Variants in HOXB1 observed in about 807,000 individuals in gnomAD.
HOXB1 encodes the protein homeobox B1.
Under a neutral mutation model 26.9 loss-of-function variants are expected in HOXB1, and 13 were observed. That is an observed-to-expected ratio of 0.48 (90% CI 0.31 to 0.77). The LOEUF is 0.77. Ranked by LOEUF, HOXB1 falls within the 30% of genes least tolerant of loss-of-function variation. The pLI is 0.04. For missense variants in HOXB1, 366 were observed against 403.6 expected (o/e 0.91, Z 0.80); for synonymous variants, 168 against 170.8 (o/e 0.98, Z 0.13).
chr17:48,530,510 G>T lies in HOXB1; in HGVS notation c.395C>A (p.Ala132Asp). ...CTGCGGAGGATATGGCCCCGGACCG[G>T]CTCCACCTGCTCCGTAGCCATCGGA... ...GLSDGYGAGG[A>D]GPGPYPPQHP... Residue 132 changes from alanine (A) to aspartate (D), a missense_variant, in exon 1 of 2, where the codon GCC becomes GAC. Transcript: ENST00000239174. The surrounding 1 kb of genome is among the most constrained non-coding windows in gnomAD (Gnocchi z 6.2). 6.2e-7 allele frequency: 1 copy of T among 1,614,086 alleles called. No individual in the cohort carries two copies. The highest frequency in any genetic ancestry group is 8.5e-7 in the Non-Finnish European group (1 of 1,179,966).
chr17:48,529,978 G>A, intron 1 of HOXB1, 103 bp from the exon 2 acceptor site: 2 of 1,035,646 alleles, frequency 1.9e-6, no homozygotes, highest in Non-Finnish European at 2.8e-6. Context: ...TTGCCATTCT[G>A]CCCAAGTACA....
At position 48,530,067 on chromosome 17, in the gene HOXB1, C is replaced by A. The variant is rs1336507697; in HGVS notation, c.578-192G>T. 4 of 617,954 alleles carry A rather than the reference C, an allele frequency of 6.5e-6. No individual in the cohort carries two copies. The highest frequency in any genetic ancestry group is 5.7e-6 in the Non-Finnish European group (2 of 353,082). 38.3% of individuals were successfully genotyped at this position (617,954 alleles called of 1,614,324 possible). On this transcript the variant is annotated intron_variant, in intron 1 of 1. Coordinates refer to ENST00000239174, the MANE Select transcript of HOXB1 (RefSeq NM_002144.4). The surrounding 1 kb of genome is among the most constrained non-coding windows in gnomAD (Gnocchi z 6.2). Reference sequence around the variant, plus strand: ...GGAGCAGCCTTCCCCATACTTCCATCCCCCATGCACACCAGGTCCTGGGTC... The same window carrying A: ...GGAGCAGCCTTCCCCATACTTCCATACCCCATGCACACCAGGTCCTGGGTC...
Position 48,530,410 on chromosome 17 carries a change from T to C in HOXB1, c.495A>G (p.Glu165=), listed in dbSNP as rs142333527. The C allele has an allele frequency of 2.5e-6, 4 of 1,613,928 alleles. No homozygotes were observed. The African/African-American group carries it at 5.3e-5, about 22-fold the overall frequency. The change falls in exon 1 of 2, where the codon GAA becomes GAG. Residue 165 remains glutamate (E), a synonymous_variant. Transcript: ENST00000239174. The surrounding 1 kb of genome is among the most constrained non-coding windows in gnomAD (Gnocchi z 6.2). Reference sequence around the variant, plus strand: ...TGTTAGGTTCTGAAGGGCAGGGTGTTTCCTTGTCCTCGGAGAGGAGATCAG... The same window carrying C: ...TGTTAGGTTCTGAAGGGCAGGGTGTCTCCTTGTCCTCGGAGAGGAGATCAG... ...AYADLLSEDK[E]TPCPSEPNTP... is the part of the protein sequence containing the mutation.
At position 48,529,554 on chromosome 17, in the gene HOXB1, G is replaced by T. The variant is rs200443029; in HGVS notation, c.899C>A (p.Thr300Asn). 181 of 1,527,854 alleles carry T rather than the reference G, an allele frequency of 1.2e-4. No homozygotes were observed. The highest frequency in any genetic ancestry group is 1.8e-4 in the Middle Eastern group (1 of 5,648). 94.6% of individuals were successfully genotyped at this position (1,527,854 alleles called of 1,614,324 possible). Reference sequence around the variant, plus strand: ...TTGGTGGCTAGGTTCAGTTCAGGAGGTGACAGAGCTGGGTGAGGCTTCCGG... The same window carrying T: ...TTGGTGGCTAGGTTCAGTTCAGGAGTTGACAGAGCTGGGTGAGGCTTCCGG... ...TSPEASPSSV[T>N]S The change falls in exon 2 of 2, where the codon ACC becomes AAC. Residue 300 changes from threonine to asparagine, a missense_variant. Transcript: ENST00000239174.
At position 48,529,853 on chromosome 17, in the gene HOXB1, C is replaced by G. The variant is rs748043859; in HGVS notation, c.600G>C (p.Leu200=). 6.3e-7 allele frequency: 1 copy of G among 1,588,794 alleles called. No individual in the cohort carries two copies. The highest frequency in any genetic ancestry group is 1.7e-5 in the Admixed American group (1 of 59,646). The stretch of plus-strand genomic sequence containing the variant: ...TGGTGCGGAGGCCACTGGGCGAGCC[C>G]AGGCCTGGCTCTGACACCTTCGCTA... ...PKTAKVSEPG[L]GSPSGLRTNF... Residue 200 remains leucine (L), a synonymous_variant, in exon 2 of 2, where the codon CTG becomes CTC. Transcript: ENST00000239174.
intron 1 of HOXB1, 69 bp from the exon 2 acceptor site, chr17:48,529,944 C>T (rs1351870023): frequency 1.5e-6 from 2 of 1,365,776 alleles, no homozygotes; most frequent in African/African-American, 1.4e-5. Context: ...TTCCCTCCTC[C>T]CGGGGCTGGC....
At position 48,529,775 on chromosome 17, in the gene HOXB1, C is replaced by A; in HGVS notation, c.678G>T (p.Lys226Asn). 1 of 1,607,646 alleles carries A rather than the reference C, an allele frequency of 6.2e-7. No homozygotes were observed. Among genetic ancestry groups the A allele is most frequent in the Non-Finnish European group, 8.5e-7 (1 of 1,179,904 alleles). The change falls in exon 2 of 2, where the codon AAG becomes AAT. Residue 226 changes from lysine (K) to asparagine (N), a missense_variant. Coordinates refer to ENST00000239174, the MANE Select transcript of HOXB1 (RefSeq NM_002144.4). ...TELEKEFHFN[K>N]YLSRARRVEI... ...CCACCCTCCGGGCCCGGCTCAGGTA[C>A]TTGTTGAAATGGAACTCCTTTTCCA... is the stretch of plus-strand genomic sequence containing the variant.
chr17:48,529,232 TGA>T lies in HOXB1; in HGVS notation c.*313_*314del. On this transcript the variant is annotated 3_prime_UTR_variant, in exon 2 of 2. Transcript: ENST00000239174. Reference sequence around the variant, plus strand: ...GGAAAGGAGGATGAATCCAGGAGGATGAGGCTGGCCCCCACCCCCACCACATG... The same window carrying T: ...GGAAAGGAGGATGAATCCAGGAGGATGGCTGGCCCCCACCCCCACCACATG... 3.8e-6 allele frequency: 1 copy of T among 260,654 alleles called. No homozygotes were observed. The highest frequency in any genetic ancestry group is 7.3e-6 in the Non-Finnish European group (1 of 137,556). The allele number at this position is 260,654 out of a possible 1,614,324, so 16.1% of individuals were successfully genotyped here.
Position 48,530,076 on chromosome 17 carries a change from A to G in HOXB1, c.578-201T>C. 1.6e-6 allele frequency: 1 copy of G among 616,196 alleles called. No individual in the cohort carries two copies. Among genetic ancestry groups the G allele is most frequent in the East Asian group, 2.7e-5 (1 of 36,384 alleles). The allele number at this position is 616,196 out of a possible 1,614,324, so 38.2% of individuals were successfully genotyped here. On this transcript the variant is annotated intron_variant, in intron 1 of 1. Transcript: ENST00000239174. The surrounding 1 kb of genome is among the most constrained non-coding windows in gnomAD (Gnocchi z 6.2). ...TTCCCCATACTTCCATCCCCCATGC[A>G]CACCAGGTCCTGGGTCTGTGCTGGG...
In HOXB1 at chr17:48,528,537, A is replaced by G. The variant is rs2068411142; in HGVS notation, c.*1010T>C. ...GAAGCAGGCAGGAAGAAGGGAAAAC[A>G]CAGACTTTATTGAAATGAGGTAGTT... On this transcript the variant is annotated 3_prime_UTR_variant, in exon 2 of 2. Transcript: ENST00000239174. The G allele has an allele frequency of 6.6e-6, 1 of 152,358 alleles. No individual in the cohort carries two copies. Among genetic ancestry groups the G allele is most frequent in the African/African-American group, 2.4e-5 (1 of 41,454 alleles). 9.4% of individuals were successfully genotyped at this position (152,358 alleles called of 1,614,324 possible).
At position 48,530,435 on chromosome 17, in the gene HOXB1, G is replaced by A. The variant is rs930945042; in HGVS notation, c.470C>T (p.Ala157Val). ...EQTASFAPAY[A>V]DLLSEDKETP... Reference sequence around the variant, plus strand: ...TTCCTTGTCCTCGGAGAGGAGATCAGCATAGGCCGGTGCAAAGCTCGCGGT... The same window carrying A: ...TTCCTTGTCCTCGGAGAGGAGATCAACATAGGCCGGTGCAAAGCTCGCGGT... The change falls in exon 1 of 2, where the codon GCT (alanine) becomes GTT (valine). Residue 157 changes from alanine to valine, a missense_variant. Ala to Val is a moderately conservative substitution (Grantham distance 64). Transcript: ENST00000239174. This position sits in a 1 kb window ranked among gnomAD's most constrained non-coding sequence, Gnocchi z 6.2. 2.5e-6 allele frequency: 4 copies of A among 1,614,174 alleles called. No individual in the cohort carries two copies. The highest frequency in any genetic ancestry group is 3.3e-5 in the Admixed American group (2 of 60,024).
chr17:48,530,153 G>A lies in HOXB1; in HGVS notation c.577+175C>T, dbSNP rs752850877. Reference sequence around the variant, plus strand: ...ATGGAAACTTACTCCTGGGGTGACCGGTTACATACTGGGTGGGGAGACCTC... The same window carrying A: ...ATGGAAACTTACTCCTGGGGTGACCAGTTACATACTGGGTGGGGAGACCTC... On this transcript the variant is annotated intron_variant, in intron 1 of 1. Transcript: ENST00000239174. This position sits in a 1 kb window ranked among gnomAD's most constrained non-coding sequence, Gnocchi z 6.2. 1.2e-5 allele frequency: 8 copies of A among 651,578 alleles called. No individual in the cohort carries two copies. The highest frequency in any genetic ancestry group is 2.8e-5 in the Admixed American group (1 of 35,632). The allele number at this position is 651,578 out of a possible 1,614,324, so 40.4% of individuals were successfully genotyped here. A position where few individuals can be genotyped will look rare whatever the true frequency, so the allele number is the denominator to read the frequency against.
rs534792734 is a variant in HOXB1, at chr17:48,530,822, G to GGGGCGCTGTGGGCGCTGT, written c.65_82dup (p.Ala27_Pro28insHisSerAlaHisSerAla). 3.7e-5 allele frequency: 58 copies of GGGGCGCTGTGGGCGCTGT among 1,580,782 alleles called. 1 individual carries two copies. The highest frequency in any genetic ancestry group is 2.0e-4 in the South Asian group (17 of 84,898). On this transcript the variant is annotated inframe_insertion, in exon 1 of 2. Transcript: ENST00000239174. The surrounding 1 kb of genome is among the most constrained non-coding windows in gnomAD (Gnocchi z 6.2). ...AGCCGAGCTTGGGGGAAAGGAGGTT[G>GGGGCGCTGTGGGCGCTGT]GGGCGCTGTGGGCGCTGTAGGCGCT...
chr17:48,530,948 C>T lies in HOXB1; in HGVS notation c.-44G>A. The T allele has an allele frequency of 1.5e-6, 2 of 1,368,192 alleles. No individual in the cohort carries two copies. Among genetic ancestry groups the T allele is most frequent in the South Asian group, 1.4e-5 (1 of 71,134 alleles). The allele number at this position is 1,368,192 out of a possible 1,614,324, so 84.8% of individuals were successfully genotyped here. A position where few individuals can be genotyped will look rare whatever the true frequency, so the allele number is the denominator to read the frequency against. ...GGTCGGCCCGTTTGGGGGAGACACC[C>T]TCTTGCCCTACAACCTTTCGGCAGT... On this transcript the variant is annotated 5_prime_UTR_variant, in exon 1 of 2. Coordinates refer to ENST00000239174, the MANE Select transcript of HOXB1 (RefSeq NM_002144.4). The surrounding 1 kb of genome is among the most constrained non-coding windows in gnomAD (Gnocchi z 6.2).
At position 48,530,416 on chromosome 17, in the gene HOXB1, G is replaced by A. The variant is rs776888615; in HGVS notation, c.489C>T (p.Asp163=). 2 of 1,614,156 alleles carry A rather than the reference G, an allele frequency of 1.2e-6. No homozygotes were observed. Among genetic ancestry groups the A allele is most frequent in the South Asian group, 2.2e-5 (2 of 91,084 alleles). ...APAYADLLSE[D]KETPCPSEPN... is the part of the protein sequence containing the mutation. ...GTTCTGAAGGGCAGGGTGTTTCCTT[G>A]TCCTCGGAGAGGAGATCAGCATAGG... The change falls in exon 1 of 2, where the codon GAC becomes GAT. Residue 163 remains aspartate, a synonymous_variant. Transcript: ENST00000239174. The surrounding 1 kb of genome is among the most constrained non-coding windows in gnomAD (Gnocchi z 6.2).
At position 48,530,532 on chromosome 17, in the gene HOXB1, C is replaced by A. The variant is rs1028968103; in HGVS notation, c.373G>T (p.Asp125Tyr). The change falls in exon 1 of 2, where the codon GAT (aspartate) becomes TAT (tyrosine). Residue 125 changes from aspartate (D) to tyrosine (Y), a missense_variant. Asp to Tyr is a radical substitution (Grantham distance 160). Coordinates refer to ENST00000239174, the MANE Select transcript of HOXB1 (RefSeq NM_002144.4). The surrounding 1 kb of genome is among the most constrained non-coding windows in gnomAD (Gnocchi z 6.2). ...SYGAQLGGLS[D>Y]GYGAGGAGPG... ...CCGGCTCCACCTGCTCCGTAGCCAT[C>A]GGACAAGCCCCCTAGCTGGGCCCCG... is the stretch of plus-strand genomic sequence containing the variant. 1.2e-6 allele frequency: 2 copies of A among 1,613,952 alleles called. No individual in the cohort carries two copies. The highest frequency in any genetic ancestry group is 2.7e-5 in the African/African-American group (2 of 74,914).
In HOXB1 at chr17:48,530,611, G is replaced by A. The variant is rs777239971; in HGVS notation, c.294C>T (p.Tyr98=). 6.2e-7 allele frequency: 1 copy of A among 1,614,012 alleles called. No homozygotes were observed. The highest frequency in any genetic ancestry group is 8.5e-7 in the Non-Finnish European group (1 of 1,180,016). Residue 98 remains tyrosine (Y), a synonymous_variant, in exon 1 of 2, where the codon TAC becomes TAT. Coordinates refer to ENST00000239174, the MANE Select transcript of HOXB1 (RefSeq NM_002144.4). This position sits in a 1 kb window ranked among gnomAD's most constrained non-coding sequence, Gnocchi z 6.2. The part of the protein sequence containing the change: ...ACSPSYGPSQ[Y]YPLGQSEGDG... ...CTCCTTCTGATTGACCCAGAGGGTAGTACTGAGAAGGCCCGTAGCTGGGGC... is the reference window on the plus strand; with the variant it reads ...CTCCTTCTGATTGACCCAGAGGGTAATACTGAGAAGGCCCGTAGCTGGGGC...
At position 48,529,603 on chromosome 17, in the gene HOXB1, A is replaced by G. The variant is rs778173379; in HGVS notation, c.850T>C (p.Ser284Pro). ...GCPKEAAGDA[S>P]DQSTCTSPEA... ...GGGGAGGTGCATGTCGACTGGTCTGAGGCATCTCCAGCTGCCTCCTTGGGG... is the reference window on the plus strand; with the variant it reads ...GGGGAGGTGCATGTCGACTGGTCTGGGGCATCTCCAGCTGCCTCCTTGGGG... The change falls in exon 2 of 2, where the codon TCA becomes CCA. Residue 284 changes from serine to proline, a missense_variant. Transcript: ENST00000239174. 5 of 1,580,290 alleles carry G rather than the reference A, an allele frequency of 3.2e-6. No homozygotes were observed. The highest frequency in any genetic ancestry group is 3.4e-6 in the Non-Finnish European group (4 of 1,160,254).
In HOXB1 at chr17:48,530,263, G is replaced by T; in HGVS notation, c.577+65C>A. On this transcript the variant is annotated intron_variant, in intron 1 of 1. Coordinates refer to ENST00000239174, the MANE Select transcript of HOXB1 (RefSeq NM_002144.4). The surrounding 1 kb of genome is among the most constrained non-coding windows in gnomAD (Gnocchi z 6.2). The stretch of plus-strand genomic sequence containing the variant: ...AGAACCCAGCCCAGACCCAGGACAT[G>T]TCACTGCAGGGGAAGCAGAGATGCT... 1 of 1,394,218 alleles carries T rather than the reference G, an allele frequency of 7.2e-7. No individual in the cohort carries two copies. Among genetic ancestry groups the T allele is most frequent in the Non-Finnish European group, 1.0e-6 (1 of 998,260 alleles). 86.4% of individuals were successfully genotyped at this position (1,394,218 alleles called of 1,614,324 possible).
Sources: gnomAD v4.1 joint callset for allele counts on GRCh38, gnomAD v4.1.1 for gene constraint, Gnocchi (gnomAD v3.1) non-coding constraint, MANE v1.5 for transcripts, NCBI Gene and HGNC (gene_info 2026-07-23, HGNC 2026-07-21) for gene names.